The following PHF20 variants were observed in gnomAD, a reference collection of about 807,000 sequenced individuals.
PHF20 encodes glioma-expressed antigen 2.
PHF20 carries 23 observed loss-of-function variants against 113.5 expected under a neutral mutation model. That is an observed-to-expected ratio of 0.20 (90% CI 0.15 to 0.29). The LOEUF (loss-of-function observed/expected upper bound fraction) is 0.29, where lower values mean the gene tolerates loss of function less well. PHF20 is among the 10% of genes least tolerant of loss of function. The probability of loss-of-function intolerance (pLI) is 1.00; values close to 1 mark genes in which losing one functional copy is unlikely to be tolerated. For missense variants in PHF20, 943 were observed against 1,219.6 expected (o/e 0.77, Z 3.38); for synonymous variants, 434 against 457.3 (o/e 0.95, Z 0.65).
chr20:35,878,717 CA>C lies in PHF20; in HGVS notation c.1282+6892del. 5.2e-6 allele frequency: 4 copies of C among 765,528 alleles called. No individual in the cohort carries two copies. In the South Asian group the frequency reaches 5.5e-5, roughly 11 times the overall value. The allele number at this position is 765,528 out of a possible 1,614,324, so 47.4% of individuals were successfully genotyped here. Reference sequence around the variant, plus strand: ...TATATCATGTATCGAGAATTCTGGGCAAAACCTAAGCCTTAGAAGAAGAGAC... The same window carrying C: ...TATATCATGTATCGAGAATTCTGGGCAAACCTAAGCCTTAGAAGAAGAGAC... On this transcript the variant is annotated intron_variant, in intron 9 of 17. Coordinates refer to ENST00000374012, the MANE Select transcript of PHF20 (RefSeq NM_016436.5).
intron 1 of PHF20, chr20:35,774,870 G>T (rs1036390332): frequency 5.3e-5 from 8 of 152,168 alleles, no homozygotes; most frequent in African/African-American, 1.9e-4. Context: ...CCATTGTCAT[G>T]TTTTCAGAAC....
intron 1 of PHF20, among the ~76,000 whole-genome samples, chr20:35,779,807 CA>C (rs2041250541): frequency 6.6e-6 from 1 of 152,178 alleles, no homozygotes; most frequent in African/African-American, 2.4e-5. Context: ...AGGCGTGAGC[CA>C]CTGTGCCCGG....
chr20:35,795,953 T>C (rs1342262485), intron 1 of PHF20, among the ~76,000 whole-genome samples: 2 of 151,942 alleles, frequency 1.3e-5, no homozygotes, highest in Non-Finnish European at 2.9e-5. Context: ...AGGGTTGAAG[T>C]GATTGTTCTG....
intron 13 of PHF20, among the ~76,000 whole-genome samples, chr20:35,920,734 A>G (rs1217278908): frequency 1.3e-5 from 2 of 152,212 alleles, no homozygotes; most frequent in Admixed American, 6.5e-5. Flanking sequence ...GGACATGCGC[A>G]TGTACATACA....
Position 35,834,247 on chromosome 20 carries a change from GTT to G in PHF20, c.84-8305_84-8304del, listed in dbSNP as rs769738682. ...CAGGCTGGTTCATTCTACAGCTATG[GTT>G]TTTTTTTTTTTTTTTTTTTTGAGAC... On this transcript the variant is annotated intron_variant, in intron 2 of 17. Coordinates refer to ENST00000374012, the MANE Select transcript of PHF20 (RefSeq NM_016436.5). Among the ~76,000 whole-genome samples the G allele has an allele frequency of 2.1e-3, 236 of 111,086 alleles. 2 individuals are homozygous for G. Among genetic ancestry groups the G allele is most frequent in the Admixed American group, 0.014 (145 of 10,170 alleles). 72.9% of individuals were successfully genotyped at this position (111,086 alleles called of 152,430 possible). A position where few individuals can be genotyped will look rare whatever the true frequency, so the allele number is the denominator to read the frequency against.
intron 10 of PHF20, among the ~76,000 whole-genome samples, chr20:35,903,077 C>CTTTCTTT (rs2055132237): frequency 1.7e-5 from 1 of 60,006 alleles, no homozygotes; most frequent in African/African-American, 6.7e-5. Flanking sequence ...CCTATCCTTT[C>CTTTCTTT]TTTTTTTTTT....
At chr20:35,780,935 C>T (rs1187094589) in intron 1 of PHF20, among the ~76,000 whole-genome samples, 1 of 145,722 alleles carries the variant, frequency 6.9e-6, no homozygotes, top group Non-Finnish European at 1.5e-5. Flanking sequence ...CTCACTGCAA[C>T]CTCCGCCTCC....
At chr20:35,891,054 A>G (rs1166435291) in intron 9 of PHF20, among the ~76,000 whole-genome samples, 1 of 152,240 alleles carries the variant, frequency 6.6e-6, no homozygotes, top group East Asian at 1.9e-4. Context: ...GTGACAGTAC[A>G]CTAACATAAG....
At chr20:35,800,925 A>C (rs891949742) in intron 1 of PHF20, among the ~76,000 whole-genome samples, 3 of 152,154 alleles carry the variant, frequency 2.0e-5, no homozygotes, top group African/African-American at 7.2e-5. Context: ...TCCTGGGCTC[A>C]AAGAAACAAC....
intron 10 of PHF20, among the ~76,000 whole-genome samples, chr20:35,902,978 G>A (rs764216358): frequency 7.4e-5 from 11 of 148,894 alleles, no homozygotes; most frequent in Non-Finnish European, 1.6e-4. Context: ...TGCCATTTTG[G>A]TATAATTAAG....
chr20:35,904,800 T>TCCTTCCTTCCTTCCTTCCTC (rs1450806881), intron 10 of PHF20, among the ~76,000 whole-genome samples: 1 of 150,168 alleles, frequency 6.7e-6, no homozygotes, highest in Non-Finnish European at 1.5e-5. Context: ...CTTCCTTCCT[T>TCCTTCCTTCCTTCCTTCCTC]CCTTTCTTTT....
chr20:35,941,138 A>G lies in PHF20; in HGVS notation c.2896+91A>G, dbSNP rs887167322. On this transcript the variant is annotated intron_variant, in intron 17 of 17. Coordinates refer to ENST00000374012, the MANE Select transcript of PHF20 (RefSeq NM_016436.5). ...TCTGAACCCCCCAGTCTGAGTTTAC[A>G]GGGACCGCTGTACTCTTTGCTTCTC... The G allele has an allele frequency of 2.6e-5, 26 of 1,006,606 alleles. No individual in the cohort carries two copies. The African/African-American group carries it at 4.0e-4, about 16-fold the overall frequency. The allele number at this position is 1,006,606 out of a possible 1,614,324, so 62.4% of individuals were successfully genotyped here. A position where few individuals can be genotyped will look rare whatever the true frequency, so the allele number is the denominator to read the frequency against.
chr20:35,831,646 C>G (rs1457640633), intron 2 of PHF20, among the ~76,000 whole-genome samples: 1 of 152,140 alleles, frequency 6.6e-6, no homozygotes, highest in East Asian at 1.9e-4. Flanking sequence ...GAGACGGAGT[C>G]TTCCTATGCT....
chr20:35,774,294 A>G (rs1198018021), intron 1 of PHF20, among the ~76,000 whole-genome samples: 1 of 151,712 alleles, frequency 6.6e-6, no homozygotes, highest in African/African-American at 2.4e-5. Context: ...TGTGGTCTCG[A>G]TCTCCTGACC....
chr20:35,919,228 G>T (rs1844049057), intron 13 of PHF20, among the ~76,000 whole-genome samples: 1 of 152,032 alleles, frequency 6.6e-6, no homozygotes, highest in South Asian at 2.1e-4. Context: ...TGTTGGTCAG[G>T]CTTGTCTGGA....
At chr20:35,777,614 A>G (rs2041200993) in intron 1 of PHF20, among the ~76,000 whole-genome samples, 1 of 152,196 alleles carries the variant, frequency 6.6e-6, no homozygotes, top group African/African-American at 2.4e-5. Context: ...CCAGGAGTTC[A>G]AGACCAGCCT....
intron 2 of PHF20, among the ~76,000 whole-genome samples, chr20:35,814,678 C>T (rs1321891340): frequency 1.4e-5 from 2 of 145,928 alleles, no homozygotes; most frequent in African/African-American, 5.0e-5. Flanking sequence ...TCGAGACCAT[C>T]CCGGCTAAAA....
At chr20:35,907,142 C>T (rs994744847) in intron 10 of PHF20, among the ~76,000 whole-genome samples, 1 of 152,152 alleles carries the variant, frequency 6.6e-6, no homozygotes, top group Non-Finnish European at 1.5e-5. Context: ...AAGCAGTTAC[C>T]CCATAGGTGG....
intron 9 of PHF20, among the ~76,000 whole-genome samples, chr20:35,894,990 G>A (rs2054951632): frequency 6.6e-6 from 1 of 151,988 alleles, no homozygotes; most frequent in Non-Finnish European, 1.5e-5. Flanking sequence ...GAGTAAGCTG[G>A]ATCTACAGGC....
Sources: gnomAD v4.1 joint callset for allele counts (sites outside exome capture counted in the v4.1 genomes callset) on GRCh38, gnomAD v4.1.1 for gene constraint, MANE v1.5 for transcripts, NCBI Gene and HGNC (gene_info 2026-07-23, HGNC 2026-07-21) for gene names.